TMEM207: variants seen among roughly 807,000 people sequenced by gnomAD.
TMEM207 encodes transmembrane protein 207.
In TMEM207, 15 loss-of-function variants were observed where a neutral mutation model predicts 17.4. The ratio of observed to expected loss-of-function variants is 0.86; its 90% CI spans 0.58 to 1.33. The LOEUF (loss-of-function observed/expected upper bound fraction) is 1.33, where lower values mean the gene tolerates loss of function less well. TMEM207 is among the 40% of genes most tolerant of loss of function. TMEM207 has a pLI of 0.00. For synonymous variants in TMEM207, 70 were observed against 65.6 expected (o/e 1.07, Z -0.33); for missense variants, 205 against 173.8 (o/e 1.18, Z -1.01).
rs775585472 is a variant in TMEM207 at position 190,447,789 on chromosome 3, C to A, written c.113+1G>T. The A allele has an allele frequency of 1.4e-5, 23 of 1,611,678 alleles. No homozygotes were observed. The highest frequency in any genetic ancestry group is 1.9e-5 in the Non-Finnish European group (22 of 1,179,042). Reference sequence around the variant, plus strand: ...CATGGAGTTTTTCGCTGTTTACTTACATTTCATCTTCTTCGCATGGTAGGT... The same window carrying A: ...CATGGAGTTTTTCGCTGTTTACTTAAATTTCATCTTCTTCGCATGGTAGGT... On this transcript the variant is annotated splice_donor_variant, in intron 2 of 4. Coordinates refer to ENST00000354905, the MANE Select transcript of TMEM207 (RefSeq NM_207316.3). LOFTEE classifies it high-confidence loss of function.
Position 190,443,252 on chromosome 3 carries a change from C to T in TMEM207, c.114-1770G>A, listed in dbSNP as rs1311108434. Among the ~76,000 whole-genome samples, 7 of 150,728 alleles carry T rather than the reference C, an allele frequency of 4.6e-5. No individual in the cohort carries two copies. In the Admixed American group the frequency reaches 4.6e-4, roughly 10 times the overall value. ...ATTTCATCTTCCTCCTCTTCCTTTA[C>T]TTTTTTTCTGTTTGAAAATAGCCCC... is the stretch of plus-strand genomic sequence containing the variant. On this transcript the variant is annotated intron_variant, in intron 2 of 4. Coordinates refer to ENST00000354905, the MANE Select transcript of TMEM207 (RefSeq NM_207316.3).
At chr3:190,431,739 C>T (rs1469749468) in intron 4 of TMEM207, among the ~76,000 whole-genome samples, 1 of 152,130 alleles carries the variant, frequency 6.6e-6, no homozygotes, top group East Asian at 1.9e-4. Context: ...TGACTTGACA[C>T]ATCTATTATT....
intron 4 of TMEM207, among the ~76,000 whole-genome samples, chr3:190,433,923 C>A (rs901818682): frequency 5.9e-5 from 9 of 152,046 alleles, no homozygotes; most frequent in African/African-American, 2.2e-4. Flanking sequence ...ACACCACCCG[C>A]CTCCCACTCT....
chr3:190,438,461 G>C (rs1428784776), intron 4 of TMEM207, among the ~76,000 whole-genome samples: 1 of 152,052 alleles, frequency 6.6e-6, no homozygotes. Context: ...AGCACATATG[G>C]AATCTGCCAT....
intron 2 of TMEM207, chr3:190,444,449 G>T (rs1720002680): frequency 1.0e-6 from 1 of 984,796 alleles, no homozygotes; most frequent in Admixed American, 6.2e-5. Flanking sequence ...GTGGAGTATT[G>T]CCTGAATGAA....
At chr3:190,430,435 T>G (rs1333380289) in intron 4 of TMEM207, among the ~76,000 whole-genome samples, 1 of 151,742 alleles carries the variant, frequency 6.6e-6, no homozygotes, top group East Asian at 1.9e-4. Context: ...CTTGAAAGAC[T>G]GTGTTTGGGT....
intron 2 of TMEM207, among the ~76,000 whole-genome samples, chr3:190,446,548 T>C (rs1257392569): frequency 6.6e-6 from 1 of 152,146 alleles, no homozygotes; most frequent in East Asian, 1.9e-4. Flanking sequence ...TATTGAATAA[T>C]GATAACCATT....
intron 4 of TMEM207, among the ~76,000 whole-genome samples, chr3:190,439,204 C>T (rs1355217453): frequency 1.5e-5 from 2 of 133,340 alleles, no homozygotes; most frequent in Non-Finnish European, 3.3e-5. Flanking sequence ...AAAAAAAGAA[C>T]CATTTCCCAA....
At chr3:190,437,897 A>C (rs1244609012) in intron 4 of TMEM207, among the ~76,000 whole-genome samples, 6 of 151,450 alleles carry the variant, frequency 4.0e-5, no homozygotes, top group South Asian at 4.2e-4. Flanking sequence ...GCACATATAC[A>C]CCATGGAATA....
intron 1 of TMEM207, 39 bp downstream of exon 1, chr3:190,449,696 T>A (rs1192584525): frequency 6.4e-7 from 1 of 1,564,480 alleles, no homozygotes; most frequent in Non-Finnish European, 8.8e-7. Flanking sequence ...TACCTCAGAG[T>A]ACCTCTGAAA....
chr3:190,435,937 T>A (rs1487143302), intron 4 of TMEM207, among the ~76,000 whole-genome samples: 1 of 152,220 alleles, frequency 6.6e-6, no homozygotes, highest in African/African-American at 2.4e-5. Context: ...CTAATCAGAA[T>A]AACTGGCAAC....
intron 4 of TMEM207, among the ~76,000 whole-genome samples, chr3:190,430,065 G>T (rs1446251092): frequency 6.6e-6 from 1 of 152,112 alleles, no homozygotes; most frequent in Non-Finnish European, 1.5e-5. Context: ...TTCAGCTAAT[G>T]CTGCCAACAT....
chr3:190,441,327 C>T, intron 3 of TMEM207, 111 bp downstream of exon 3: 1 of 840,380 alleles, frequency 1.2e-6, no homozygotes, highest in Non-Finnish European at 1.9e-6. Context: ...ATTTGCATGA[C>T]CCCTAATCTT....
At chr3:190,440,450 C>G in intron 3 of TMEM207, 61 bp from the exon 4 acceptor site, 3 of 1,487,092 alleles carry the variant, frequency 2.0e-6, no homozygotes, top group Non-Finnish European at 2.7e-6. Context: ...TTAAGAGCTT[C>G]CATCACTACC....
intron 4 of TMEM207, among the ~76,000 whole-genome samples, chr3:190,434,663 C>G (rs1455580800): frequency 6.6e-6 from 1 of 152,100 alleles, no homozygotes; most frequent in Non-Finnish European, 1.5e-5. Flanking sequence ...AAAACATACC[C>G]ACATAATACT....
chr3:190,447,930 G>C (rs1275774646), intron 1 of TMEM207, 103 bp from the exon 2 acceptor site: 4 of 1,133,834 alleles, frequency 3.5e-6, no homozygotes, highest in African/African-American at 3.2e-5. Context: ...CATTTCGTTT[G>C]CTTTTTTAAT....
intron 4 of TMEM207, among the ~76,000 whole-genome samples, chr3:190,430,896 G>GA (rs1330416248): frequency 2.1e-4 from 32 of 152,164 alleles, no homozygotes; most frequent in African/African-American, 7.7e-4. Context: ...ATATTCCAAA[G>GA]AATATGCCAC....
intron 4 of TMEM207, among the ~76,000 whole-genome samples, chr3:190,437,084 A>T (rs1719817231): frequency 6.6e-6 from 1 of 152,212 alleles, no homozygotes; most frequent in Non-Finnish European, 1.5e-5. Context: ...TTGCAGTGCA[A>T]CTCAGGATGG....
At position 190,429,407 on chromosome 3, in the gene TMEM207, C is replaced by T. The variant is rs760930288; in HGVS notation, c.*188G>A. ...GCAGTGACACATCAAAAGCCTGCTA[C>T]TTTACTATTTAAACATCTCCATGAC... is the stretch of plus-strand genomic sequence containing the variant. On this transcript the variant is annotated 3_prime_UTR_variant, in exon 5 of 5. Coordinates refer to ENST00000354905, the MANE Select transcript of TMEM207 (RefSeq NM_207316.3). 99 of 645,756 alleles carry T rather than the reference C, an allele frequency of 1.5e-4. No homozygotes were observed. The highest frequency in any genetic ancestry group is 2.4e-4 in the Non-Finnish European group (92 of 387,428). 40.0% of individuals were successfully genotyped at this position (645,756 alleles called of 1,614,324 possible). A position where few individuals can be genotyped will look rare whatever the true frequency, so the allele number is the denominator to read the frequency against.
Sources: gnomAD v4.1 joint callset for allele counts (sites outside exome capture counted in the v4.1 genomes callset) on GRCh38, gnomAD v4.1.1 for gene constraint, MANE v1.5 for transcripts, NCBI Gene and HGNC (gene_info 2026-07-23, HGNC 2026-07-21) for gene names.